The following RBFOX1 variants were observed in gnomAD, a reference collection of about 807,000 sequenced individuals.
RBFOX1 encodes RNA binding protein fox-1 homolog 1.
In RBFOX1, 8 loss-of-function variants were observed where a neutral mutation model predicts 57.7. The ratio of observed to expected loss-of-function variants is 0.14; its 90% CI spans 0.08 to 0.25. The LOEUF is 0.25. Among genes scored for constraint, RBFOX1 ranks in the 10% least tolerant of loss-of-function variants. The pLI is 1.00. For missense variants in RBFOX1, 611 were observed against 548.5 expected, an observed-to-expected ratio of 1.11 and a Z score of -1.14; for synonymous variants, 326 against 222.4, an observed-to-expected ratio of 1.47 and a Z score of -4.15.
At chr16:5,790,339 C>A (rs1000050415) in intron 3 of RBFOX1, among the ~76,000 whole-genome samples, 4 of 152,024 alleles carry the variant, frequency 2.6e-5, no homozygotes, top group Non-Finnish European at 5.9e-5. Flanking sequence ...GAGGGAGAAA[C>A]CCCTGCATTT....
intron 1 of RBFOX1, chr16:5,270,293 T>C: frequency 3.0e-6 from 2 of 666,738 alleles, no homozygotes; most frequent in Non-Finnish European, 5.5e-6. Flanking sequence ...CTATGTTCAA[T>C]GTAAGAAATA....
chr16:7,239,346 A>G (rs1354646300), intron 4 of RBFOX1, among the ~76,000 whole-genome samples: 1 of 152,128 alleles, frequency 6.6e-6, no homozygotes, highest in Non-Finnish European at 1.5e-5. Flanking sequence ...TAAAAGTACA[A>G]AAATTAGCCA....
At chr16:5,921,837 G>C (rs2058828957) in intron 4 of RBFOX1, among the ~76,000 whole-genome samples, 1 of 152,040 alleles carries the variant, frequency 6.6e-6, no homozygotes, top group South Asian at 2.1e-4. Context: ...AGAGCAAGAG[G>C]GGGAGGAGCC....
intron 2 of RBFOX1, among the ~76,000 whole-genome samples, chr16:6,429,004 A>T (rs954209916): frequency 2.0e-5 from 3 of 152,006 alleles, no homozygotes; most frequent in African/African-American, 7.3e-5. Flanking sequence ...GGAGGTGCAC[A>T]TTCGGTGACA....
intron 4 of RBFOX1, among the ~76,000 whole-genome samples, chr16:6,006,515 A>T (rs1171185132): frequency 1.3e-5 from 2 of 152,214 alleles, no homozygotes; most frequent in Admixed American, 1.3e-4. Context: ...GACACAGAAG[A>T]AAGAAAGAAG....
chr16:7,029,407 A>G (rs2042219200), intron 3 of RBFOX1, among the ~76,000 whole-genome samples: 1 of 151,540 alleles, frequency 6.6e-6, no homozygotes, highest in African/African-American at 2.4e-5. Flanking sequence ...ATGAGTCTTC[A>G]GTTCTTCTTT....
chr16:7,232,159 G>C (rs572736512), intron 4 of RBFOX1, among the ~76,000 whole-genome samples: 6 of 152,210 alleles, frequency 3.9e-5, no homozygotes, highest in African/African-American at 1.2e-4. Context: ...GAGTAGCTGA[G>C]ACTACAGGTA....
At chr16:6,936,304 T>C (rs1024431425) in intron 3 of RBFOX1, among the ~76,000 whole-genome samples, 2 of 152,202 alleles carry the variant, frequency 1.3e-5, no homozygotes, top group Non-Finnish European at 2.9e-5. Flanking sequence ...GTTAAGTTTG[T>C]TGGAAATGCA....
At chr16:5,633,738 G>A (rs896027185) in intron 3 of RBFOX1, among the ~76,000 whole-genome samples, 8 of 151,940 alleles carry the variant, frequency 5.3e-5, no homozygotes, top group Non-Finnish European at 8.8e-5. Flanking sequence ...GCCGGGCGTC[G>A]TGGTGCATGC....
chr16:5,486,607 A>G lies in RBFOX1; in HGVS notation c.258+19353A>G, dbSNP rs116740132. Among the ~76,000 whole-genome samples, 774 of 152,266 alleles carry G rather than the reference A, an allele frequency of 5.1e-3. 7 individuals are homozygous for G. Among genetic ancestry groups the G allele is most frequent in the African/African-American group, 0.018 (735 of 41,536 alleles). On this transcript the variant is annotated intron_variant, in intron 2 of 2. Transcript: ENST00000585867. Reference sequence around the variant, plus strand: ...GGGAAATGATACTCTGCACAGGGACATGCCAGAACATCTCTTTCTTCCCCC... The same window carrying G: ...GGGAAATGATACTCTGCACAGGGACGTGCCAGAACATCTCTTTCTTCCCCC...
chr16:5,778,064 C>T (rs2054203183), intron 3 of RBFOX1, among the ~76,000 whole-genome samples: 1 of 152,198 alleles, frequency 6.6e-6, no homozygotes, highest in Non-Finnish European at 1.5e-5. Context: ...GAACCAGGCA[C>T]TTACCTGCTG....
At chr16:6,021,796 A>C (rs751179858) in intron 1 of RBFOX1, among the ~76,000 whole-genome samples, 2 of 152,132 alleles carry the variant, frequency 1.3e-5, no homozygotes, top group Non-Finnish European at 2.9e-5. Context: ...TCGGGTTGTC[A>C]CCTGTAAAAT....
At position 6,648,789 on chromosome 16, in the gene RBFOX1, C is replaced by T. The variant is rs542719434; in HGVS notation, c.-63-5814C>T. On this transcript the variant is annotated intron_variant, in intron 2 of 15. Transcript: ENST00000550418. ...CCTCATTTCTCAATGGCATTTTCTA[C>T]AGAAAATACAGCCTGAGAATCTGGG... 2.8e-4 allele frequency among the ~76,000 whole-genome samples: 43 copies of T among 152,244 alleles called. 1 individual carries two copies. The highest frequency in any genetic ancestry group is 1.4e-3 in the Admixed American group (22 of 15,286).
intron 3 of RBFOX1, among the ~76,000 whole-genome samples, chr16:6,902,140 G>T (rs879507103): frequency 2.0e-5 from 3 of 152,122 alleles, no homozygotes; most frequent in Non-Finnish European, 4.4e-5. Flanking sequence ...CTGGAACTTG[G>T]TAGGTGGTGC....
At chr16:7,072,399 C>T (rs950508776) in intron 4 of RBFOX1, among the ~76,000 whole-genome samples, 4 of 152,098 alleles carry the variant, frequency 2.6e-5, no homozygotes, top group Non-Finnish European at 5.9e-5. Context: ...GTTTCTCGTT[C>T]TCCTGTCTTC....
chr16:6,659,168 G>C (rs549873830), intron 3 of RBFOX1, among the ~76,000 whole-genome samples: 1 of 152,050 alleles, frequency 6.6e-6, no homozygotes, highest in Non-Finnish European at 1.5e-5. Context: ...TAAAGACTGA[G>C]ATTCAGGTGA....
At position 5,344,046 on chromosome 16, in the gene RBFOX1, G is replaced by A. The variant is rs570533947; in HGVS notation, c.219+103941G>A. On this transcript the variant is annotated intron_variant, in intron 1 of 2. Transcript: ENST00000585867. ...CTTATGCTTCTCTGTGCTGGGATGG[G>A]GTGCAAATGTTTATATCAGAATCCT... Among the ~76,000 whole-genome samples the A allele has an allele frequency of 4.6e-5, 7 of 152,244 alleles. No individual in the cohort carries two copies. The South Asian group carries it at 8.3e-4, about 18-fold the overall frequency.
At chr16:5,272,992 C>G (rs1191205616) in intron 1 of RBFOX1, among the ~76,000 whole-genome samples, 2 of 152,180 alleles carry the variant, frequency 1.3e-5, no homozygotes, top group Non-Finnish European at 2.9e-5. Flanking sequence ...ATTCTTTAAA[C>G]TTTCAAACTC....
intron 11 of RBFOX1, among the ~76,000 whole-genome samples, chr16:7,636,480 C>G (rs1380328202): frequency 2.0e-5 from 3 of 152,180 alleles, no homozygotes; most frequent in Middle Eastern, 3.2e-3. Context: ...ATGAATGGTT[C>G]AGATGTTACA....
Sources: allele counts gnomAD v4.1 joint callset (sites outside exome capture counted in the v4.1 genomes callset), GRCh38; gene constraint gnomAD v4.1.1; transcripts MANE v1.5; gene names NCBI Gene and HGNC (gene_info 2026-07-23, HGNC 2026-07-21).